YARS1: variants seen among roughly 807,000 people sequenced by gnomAD.
The protein encoded by YARS1 is tyrosyl-tRNA synthetase 1.
A neutral mutation model predicts 62.2 loss-of-function variants in YARS1; 36 were observed. The observed-to-expected ratio is 0.58, with a 90% CI of 0.44 to 0.76. YARS1 has a LOEUF of 0.76. YARS1 is among the 30% of genes least tolerant of loss of function. YARS1 has a pLI of 0.00. For missense variants in YARS1, 524 were observed against 639.8 expected, an observed-to-expected ratio of 0.82 and a Z score of 1.95; for synonymous variants, 234 against 244.9, an observed-to-expected ratio of 0.96 and a Z score of 0.42.
intron 5 of YARS1, among the ~76,000 whole-genome samples, chr1:32,794,471 T>C (rs2148608124): frequency 6.6e-6 from 1 of 152,260 alleles, no homozygotes; most frequent in African/African-American, 2.4e-5. Context: ...TTTACTGCAA[T>C]CTCTGCCTCC....
chr1:32,785,102 G>A (rs949576434), intron 8 of YARS1, among the ~76,000 whole-genome samples: 4 of 152,122 alleles, frequency 2.6e-5, no homozygotes, highest in Non-Finnish European at 4.4e-5. Flanking sequence ...TTTGCCTATC[G>A]AATCTGGGAA....
intron 2 of YARS1, 40 bp downstream of exon 2, chr1:32,810,871 C>G (rs1182321274): frequency 6.2e-7 from 1 of 1,613,984 alleles, no homozygotes; most frequent in Non-Finnish European, 8.5e-7. Context: ...TTGGGTCTCC[C>G]TTGGGTCATT....
Position 32,817,194 on chromosome 1 carries a change from G to A in YARS1, c.51C>T (p.Asn17=), listed in dbSNP as rs1638772113. ...PEEKLHLITR[N]LQEVLGEEKL... is the part of the protein sequence containing the mutation. ...TCCAACCCCCAGGCCTGACCTGCAGGTTCCGGGTGATAAGGTGCAGTTTCT... is the reference window on the plus strand; with the variant it reads ...TCCAACCCCCAGGCCTGACCTGCAGATTCCGGGTGATAAGGTGCAGTTTCT... Residue 17 remains asparagine, a synonymous_variant, in exon 1 of 13, where the codon AAC becomes AAT. Coordinates refer to ENST00000373477, the MANE Select transcript of YARS1 (RefSeq NM_003680.4). 1 of 1,614,208 alleles carries A rather than the reference G, an allele frequency of 6.2e-7. No individual in the cohort carries two copies. Among genetic ancestry groups the A allele is most frequent in the Non-Finnish European group, 8.5e-7 (1 of 1,180,024 alleles).
intron 4 of YARS1, among the ~76,000 whole-genome samples, chr1:32,803,275 G>A (rs1638349868): frequency 6.6e-6 from 1 of 150,576 alleles, no homozygotes; most frequent in Non-Finnish European, 1.5e-5. Context: ...ATCATGCCTG[G>A]CCTAATTCTT....
intron 9 of YARS1, chr1:32,781,545 T>C: frequency 5.8e-6 from 1 of 172,236 alleles, no homozygotes; most frequent in South Asian, 1.4e-4. Flanking sequence ...AGAGCCAGAC[T>C]CTGTCTCTTT....
chr1:32,812,806 A>G (rs1252149699), intron 1 of YARS1, among the ~76,000 whole-genome samples: 1 of 152,048 alleles, frequency 6.6e-6, no homozygotes, highest in East Asian at 1.9e-4. Context: ...CATCTCTACT[A>G]AAAATACAAA....
At chr1:32,804,752 G>C (rs1208383182) in intron 4 of YARS1, among the ~76,000 whole-genome samples, 6 of 151,864 alleles carry the variant, frequency 4.0e-5, no homozygotes, top group Non-Finnish European at 7.4e-5. Context: ...TCCAAGACTG[G>C]GCGGCCGGGC....
rs147832729 is a variant in YARS1, at chr1:32,782,419, C to G, written c.1027G>C (p.Asp343His). ...LKKLASAAYPDPSKQKPMAKG... is the reference protein window; with the variant it reads ...LKKLASAAYPHPSKQKPMAKG... ...CTGGCCTTACTCTGCTTTGAGGGAT[C>G]TGGGTAGGCAGCGCTGGCCAGTTTT... Residue 343 changes from aspartate (D) to histidine (H), a missense_variant, in exon 9 of 13, where the codon GAT becomes CAT. Asp to His is a moderately conservative substitution (Grantham distance 81). Coordinates refer to ENST00000373477, the MANE Select transcript of YARS1 (RefSeq NM_003680.4). The G allele has an allele frequency of 6.2e-7, 1 of 1,613,982 alleles. No homozygotes were observed. The highest frequency in any genetic ancestry group is 2.2e-5 in the East Asian group (1 of 44,874).
At chr1:32,810,106 CAA>C (rs11381151) in intron 3 of YARS1, among the ~76,000 whole-genome samples, 13 of 121,530 alleles carry the variant, frequency 1.1e-4, no homozygotes, top group African/African-American at 1.5e-4. Flanking sequence ...AACTCCACCT[CAA>C]AAAAAAAAAA....
At position 32,810,600 on chromosome 1, in the gene YARS1, T is replaced by G. The variant is rs1251663679; in HGVS notation, c.371A>C (p.Gln124Pro). The G allele has an allele frequency of 6.2e-7, 1 of 1,612,920 alleles. No individual in the cohort carries two copies. The highest frequency in any genetic ancestry group is 8.5e-7 in the Non-Finnish European group (1 of 1,180,026). Residue 124 changes from glutamine to proline, a missense_variant, in exon 3 of 13, where the codon CAG becomes CCG. Transcript: ENST00000373477. Reference protein sequence around the residue: ...KLKFIKGTDYQLSKEYTLDVY... With the variant: ...KLKFIKGTDYPLSKEYTLDVY... ...ATGATCAAGCACTTACTTGCTGAGC[T>G]GGTAATCAGTGCCTTTGATGAACTT...
chr1:32,799,399 C>G (rs990186603), intron 4 of YARS1, among the ~76,000 whole-genome samples: 2 of 152,152 alleles, frequency 1.3e-5, no homozygotes, highest in Non-Finnish European at 2.9e-5. Flanking sequence ...CAGGGCAGGG[C>G]AGAGACTGGA....
At chr1:32,797,069 A>T (rs1487641846) in intron 5 of YARS1, among the ~76,000 whole-genome samples, 12 of 120,178 alleles carry the variant, frequency 1.0e-4, no homozygotes, top group African/African-American at 3.6e-4. Context: ...TTCTGTATTC[A>T]TTAACTATAT....
intron 3 of YARS1, 115 bp downstream of exon 3, chr1:32,810,476 A>T (rs1204125389): frequency 1.5e-6 from 2 of 1,371,562 alleles, no homozygotes; most frequent in East Asian, 2.3e-5. Flanking sequence ...AATGGTTCTT[A>T]ATAGGTCACG....
At chr1:32,783,909 A>C (rs1404915703) in intron 8 of YARS1, among the ~76,000 whole-genome samples, 1 of 152,208 alleles carries the variant, frequency 6.6e-6, no homozygotes, top group African/African-American at 2.4e-5. Context: ...CAGGCAGTAC[A>C]GATAGGACAT....
intron 9 of YARS1, 23 bp downstream of exon 9, chr1:32,782,381 G>A (rs773828553): frequency 8.1e-6 from 13 of 1,613,816 alleles, no homozygotes; most frequent in South Asian, 3.3e-5. Context: ...TGATGATGTC[G>A]GCCCCTCTCC....
At chr1:32,782,334 G>C (rs1467780648) in intron 9 of YARS1, 70 bp downstream of exon 9, 9 of 1,612,584 alleles carry the variant, frequency 5.6e-6, no homozygotes, top group Non-Finnish European at 7.6e-6. Context: ...ATTTAAGACA[G>C]GCATTTTTCC....
chr1:32,782,795 T>C, intron 8 of YARS1: 1 of 502,840 alleles, frequency 2.0e-6, no homozygotes, highest in Non-Finnish European at 3.6e-6. Flanking sequence ...CTAATTCTTC[T>C]AGTCCCTCCA....
Position 32,775,936 on chromosome 1 carries a change from G to A in YARS1, c.*45C>T. 1 of 1,493,208 alleles carries A rather than the reference G, an allele frequency of 6.7e-7. No homozygotes were observed. Among genetic ancestry groups the A allele is most frequent in the East Asian group, 2.3e-5 (1 of 44,320 alleles). 92.5% of individuals were successfully genotyped at this position (1,493,208 alleles called of 1,614,324 possible). On this transcript the variant is annotated 3_prime_UTR_variant, in exon 13 of 13. Coordinates refer to ENST00000373477, the MANE Select transcript of YARS1 (RefSeq NM_003680.4). ...ATGGATGGAGCAGACTGAAGAGACA[G>A]CAGATGACTCAGTGGTGGAAGAAGG...
chr1:32,813,388 C>T (rs1042570206), intron 1 of YARS1, among the ~76,000 whole-genome samples: 6 of 152,142 alleles, frequency 3.9e-5, no homozygotes, highest in Non-Finnish European at 5.9e-5. Flanking sequence ...CTGTGATCTC[C>T]GCTTACTGCA....
Sources: allele counts gnomAD v4.1 joint callset (sites outside exome capture counted in the v4.1 genomes callset), GRCh38; gene constraint gnomAD v4.1.1; transcripts MANE v1.5; gene names NCBI Gene and HGNC (gene_info 2026-07-23, HGNC 2026-07-21).